IL1RAPL2: variants seen among roughly 807,000 people sequenced by gnomAD.
The protein encoded by IL1RAPL2 is interleukin 1 receptor accessory protein like 2, also known as X-linked interleukin-1 receptor accessory protein-like 2.
Under a neutral mutation model 44.1 loss-of-function variants are expected in IL1RAPL2, and 3 were observed. The ratio of observed to expected loss-of-function variants is 0.07; its 90% CI spans 0.03 to 0.18. The LOEUF is 0.18. Ranked by LOEUF, IL1RAPL2 falls within the 10% of genes least tolerant of loss-of-function variation. The pLI is 1.00. For missense variants in IL1RAPL2, 391 were observed against 496.4 expected, an observed-to-expected ratio of 0.79 and a Z score of 2.02; for synonymous variants, 181 against 178.8, an observed-to-expected ratio of 1.01 and a Z score of -0.10.
chrX:104,660,623 A>ACACACG (rs1250416800), intron 2 of IL1RAPL2, among the ~76,000 whole-genome samples: 3 of 103,240 alleles, frequency 2.9e-5, no homozygotes, highest in African/African-American at 1.1e-4. Context: ...ATGTATAGAC[A>ACACACG]CACACACACA....
At position 104,658,729 on chromosome X, in the gene IL1RAPL2, C is replaced by T. The variant is rs190560020; in HGVS notation, c.-19-166C>T. Among the ~76,000 whole-genome samples, 273 of 112,806 alleles carry T rather than the reference C, an allele frequency of 2.4e-3. 1 individual carries two copies. Among genetic ancestry groups the T allele is most frequent in the Middle Eastern group, 4.6e-3 (1 of 218 alleles). On this transcript the variant is annotated intron_variant, in intron 1 of 10. Coordinates refer to ENST00000372582, the MANE Select transcript of IL1RAPL2 (RefSeq NM_017416.2). ...AAGCAGGGAACCTGACATGGTTTAA[C>T]TGTGAACTTTCATGTTTTCTTCTAT...
At chrX:105,405,985 C>T in intron 5 of IL1RAPL2, 5 of 1,204,370 alleles carry the variant, frequency 4.2e-6, no homozygotes, top group Non-Finnish European at 5.6e-6. Flanking sequence ...GATTCTAAGC[C>T]TCCTGAGGGA....
At chrX:105,738,085 T>C (rs2038465199) in intron 7 of IL1RAPL2, among the ~76,000 whole-genome samples, 1 of 111,489 alleles carries the variant, frequency 9.0e-6, no homozygotes, top group Admixed American at 9.6e-5. Context: ...CTTTAAGCCC[T>C]TCCTGCTCTC....
At chrX:104,657,564 C>A (rs1930294455) in intron 1 of IL1RAPL2, among the ~76,000 whole-genome samples, 1 of 111,636 alleles carries the variant, frequency 9.0e-6, no homozygotes, top group Non-Finnish European at 1.9e-5. Flanking sequence ...CAGGCATGGG[C>A]AAGGACTTCA....
At chrX:105,706,343 T>C (rs1406974213) in intron 6 of IL1RAPL2, among the ~76,000 whole-genome samples, 1 of 111,962 alleles carries the variant, frequency 8.9e-6, no homozygotes, top group African/African-American at 3.2e-5. Flanking sequence ...CATTACATGG[T>C]AAAGAATGGA....
At chrX:104,764,199 A>T (rs989867042) in intron 2 of IL1RAPL2, among the ~76,000 whole-genome samples, 14 of 108,235 alleles carry the variant, frequency 1.3e-4, no homozygotes, top group African/African-American at 4.7e-4. Context: ...TGAACATGGA[A>T]TTTTTTTTCA....
At chrX:104,792,415 C>T (rs1401845121) in intron 2 of IL1RAPL2, among the ~76,000 whole-genome samples, 1 of 110,754 alleles carries the variant, frequency 9.0e-6, no homozygotes, top group Non-Finnish European at 1.9e-5. Context: ...GGGTGGAGAT[C>T]GGGGCATGAG....
intron 2 of IL1RAPL2, among the ~76,000 whole-genome samples, chrX:105,086,445 G>C (rs1379405279): frequency 9.0e-6 from 1 of 111,532 alleles, no homozygotes; most frequent in Non-Finnish European, 1.9e-5. Context: ...TGATCTCATA[G>C]AGCCAGAGAG....
chrX:104,968,306 T>TA (rs1283026702), intron 2 of IL1RAPL2, among the ~76,000 whole-genome samples: 1 of 111,483 alleles, frequency 9.0e-6, no homozygotes, highest in African/African-American at 3.2e-5. Flanking sequence ...ATATATACAG[T>TA]AAAAACATTT....
chrX:105,226,422 G>C (rs1314489813), intron 3 of IL1RAPL2, among the ~76,000 whole-genome samples: 34 of 60,719 alleles, frequency 5.6e-4, no homozygotes, highest in Admixed American at 8.2e-4. Flanking sequence ...TTTTGAGACA[G>C]TGTCTCACTC....
At chrX:105,091,807 A>C (rs1038891861) in intron 2 of IL1RAPL2, among the ~76,000 whole-genome samples, 1 of 111,940 alleles carries the variant, frequency 8.9e-6, no homozygotes, top group Non-Finnish European at 1.9e-5. Flanking sequence ...CAACACTTAC[A>C]ATGCCTCACA....
chrX:104,637,240 T>A (rs1390221368), intron 1 of IL1RAPL2, among the ~76,000 whole-genome samples: 2 of 111,236 alleles, frequency 1.8e-5, no homozygotes, highest in Admixed American at 9.6e-5. Context: ...AGTCTTTAGT[T>A]TTTTCTAGAT....
At chrX:105,018,395 C>T (rs1249209499) in intron 2 of IL1RAPL2, among the ~76,000 whole-genome samples, 1 of 111,452 alleles carries the variant, frequency 9.0e-6, no homozygotes, top group East Asian at 2.8e-4. Flanking sequence ...GCTCAAAAAG[C>T]ATCTCCTCTG....
At chrX:105,271,441 C>T (rs6621953) in intron 5 of IL1RAPL2, among the ~76,000 whole-genome samples, 1 of 111,101 alleles carries the variant, frequency 9.0e-6, no homozygotes. Flanking sequence ...TTTCTTTATT[C>T]TCATGTTGAA....
At position 105,407,126 on chromosome X, in the gene IL1RAPL2, C is replaced by G. The variant is rs1316973564; in HGVS notation, c.698-77187C>G. ...TTTCTTTCTCCACTCACTCAGTTGT[C>G]TAGAAGAAATAACACTGTAAGGAAA... On this transcript the variant is annotated intron_variant, in intron 5 of 10. Coordinates refer to ENST00000372582, the MANE Select transcript of IL1RAPL2 (RefSeq NM_017416.2). The G allele has an allele frequency of 7.3e-5, 37 of 503,542 alleles. 1 individual carries two copies. In the African/African-American group the frequency reaches 9.8e-4, roughly 13 times the overall value. 41.5% of individuals were successfully genotyped at this position (503,542 alleles called of 1,213,427 possible).
At chrX:105,049,602 A>T (rs894848063) in intron 2 of IL1RAPL2, among the ~76,000 whole-genome samples, 2 of 111,656 alleles carry the variant, frequency 1.8e-5, no homozygotes, top group Admixed American at 1.9e-4. Flanking sequence ...TTCTAAATTC[A>T]GCCCTTAACA....
chrX:105,131,568 G>A, intron 2 of IL1RAPL2, among the ~76,000 whole-genome samples: 1 of 107,942 alleles, frequency 9.3e-6, no homozygotes, highest in South Asian at 4.0e-4. Context: ...TACAGAAACA[G>A]GCAGCATACT....
rs747525381 is a variant in IL1RAPL2 at position 104,740,398 on chromosome X, C to T, written c.82+81403C>T. Among the ~76,000 whole-genome samples the T allele has an allele frequency of 6.3e-5, 7 of 110,707 alleles. No individual in the cohort carries two copies. In the East Asian group the frequency reaches 1.4e-3, roughly 23 times the overall value. ...CTTTTTGGGATATCAATTATTAGAA[C>T]ACAAAATTGTTGTCTGTTATATTAG... On this transcript the variant is annotated intron_variant, in intron 2 of 10. Coordinates refer to ENST00000372582, the MANE Select transcript of IL1RAPL2 (RefSeq NM_017416.2).
intron 2 of IL1RAPL2, among the ~76,000 whole-genome samples, chrX:105,075,612 G>A (rs1479765525): frequency 8.9e-6 from 1 of 112,040 alleles, no homozygotes; most frequent in Non-Finnish European, 1.9e-5. Flanking sequence ...GTTTCAGAAG[G>A]AATGGTACCA....
Sources: allele counts gnomAD v4.1 joint callset (sites outside exome capture counted in the v4.1 genomes callset), GRCh38; gene constraint gnomAD v4.1.1; transcripts MANE v1.5; gene names NCBI Gene and HGNC (gene_info 2026-07-23, HGNC 2026-07-21).